The following DUSP16 variants were observed in gnomAD, a reference collection of about 807,000 sequenced individuals.
DUSP16 encodes dual specificity phosphatase 16.
A neutral mutation model predicts 58.3 loss-of-function variants in DUSP16; 21 were observed. The observed-to-expected ratio is 0.36, with a 90% CI of 0.26 to 0.52. The LOEUF is 0.52. Among genes scored for constraint, DUSP16 ranks in the 20% least tolerant of loss-of-function variants. DUSP16 has a pLI of 0.94. For synonymous variants in DUSP16, 320 were observed against 323.8 expected, an observed-to-expected ratio of 0.99 and a Z score of 0.12; for missense variants, 726 against 819.0, an observed-to-expected ratio of 0.89 and a Z score of 1.39.
intron 2 of DUSP16, 137 bp downstream of exon 2, chr12:12,520,734 C>T (rs2136232242): frequency 1.1e-6 from 1 of 899,978 alleles, no homozygotes; most frequent in East Asian, 2.6e-5. Context: ...TTTGAGGTAC[C>T]ACAAGGCACC....
Position 12,521,151 on chromosome 12 carries a change from G to GT in DUSP16, c.-54dup. ...TCCTTCTTTAATTTGCCACGATGAT[G>GT]TAATGGTGGTGTGCTCAAAGGCTCA... On this transcript the variant is annotated 5_prime_UTR_variant, in exon 2 of 7. Coordinates refer to ENST00000298573, the MANE Select transcript of DUSP16 (RefSeq NM_030640.3). 1 of 1,583,204 alleles carries GT rather than the reference G, an allele frequency of 6.3e-7. No individual in the cohort carries two copies. The highest frequency in any genetic ancestry group is 8.6e-7 in the Non-Finnish European group (1 of 1,164,580).
chr12:12,478,263 C>G (rs539578548), intron 6 of DUSP16, among the ~76,000 whole-genome samples: 11 of 152,002 alleles, frequency 7.2e-5, no homozygotes, highest in Admixed American at 2.6e-4. Context: ...TAGTTTTTGT[C>G]TCCTTATTTT....
intron 6 of DUSP16, among the ~76,000 whole-genome samples, chr12:12,478,293 A>G (rs1007888577): frequency 2.6e-5 from 4 of 151,512 alleles, no homozygotes; most frequent in Non-Finnish European, 4.4e-5. Context: ...AGGGCTCCCA[A>G]TGCAGCTGAT....
chr12:12,520,548 AAG>A (rs1421091149), intron 2 of DUSP16, among the ~76,000 whole-genome samples: 1 of 152,224 alleles, frequency 6.6e-6, no homozygotes, highest in Non-Finnish European at 1.5e-5. Context: ...TTTCTTTCCA[AAG>A]AACTTGAAAA....
chr12:12,560,836 T>C (rs1193242489), intron 1 of DUSP16: 1 of 152,012 alleles, frequency 6.6e-6, no homozygotes, highest in African/African-American at 2.4e-5. Flanking sequence ...CGGTTATCCT[T>C]TACGTGGACT....
chr12:12,500,993 T>C (rs1315523301), intron 3 of DUSP16, among the ~76,000 whole-genome samples: 2 of 152,206 alleles, frequency 1.3e-5, no homozygotes, highest in African/African-American at 4.8e-5. Context: ...ATGTTTTTTT[T>C]TGTAAAACAT....
At chr12:12,514,131 CATA>C (rs1944115520) in intron 3 of DUSP16, among the ~76,000 whole-genome samples, 5 of 152,076 alleles carry the variant, frequency 3.3e-5, no homozygotes, top group Admixed American at 3.3e-4. Flanking sequence ...ATACAATCCT[CATA>C]ATAAGGCAAG....
chr12:12,481,160 T>G (rs1322758030), intron 5 of DUSP16, among the ~76,000 whole-genome samples: 1 of 152,214 alleles, frequency 6.6e-6, no homozygotes, highest in Non-Finnish European at 1.5e-5. Flanking sequence ...TATCCCTTCC[T>G]TGATACCAGG....
intron 1 of DUSP16, among the ~76,000 whole-genome samples, chr12:12,539,282 A>G (rs1430900657): frequency 6.6e-6 from 1 of 152,228 alleles, no homozygotes; most frequent in East Asian, 1.9e-4. Flanking sequence ...CAGTTCTCCA[A>G]TGTCACAGCC....
rs1202215605 is a variant in DUSP16 at position 12,520,872 on chromosome 12, T to C, written c.227A>G (p.Lys76Arg). Residue 76 changes from lysine (K) to arginine (R), a missense_variant and splice_region_variant, in exon 2 of 7, where the codon AAG (lysine) becomes AGG (arginine). Coordinates refer to ENST00000298573, the MANE Select transcript of DUSP16 (RefSeq NM_030640.3). ...TELIQHSAKH[K>R]VDIDCSQKVV... ...AAAGGCAAAAAGGAAAGCGTTTACC[T>C]TATGTTTCGCTGAATGCTGGATGAG... 3.7e-6 allele frequency: 6 copies of C among 1,614,054 alleles called. No homozygotes were observed. The highest frequency in any genetic ancestry group is 5.1e-6 in the Non-Finnish European group (6 of 1,179,990).
chr12:12,518,193 G>A (rs1193869937), intron 3 of DUSP16, among the ~76,000 whole-genome samples: 2 of 152,174 alleles, frequency 1.3e-5, no homozygotes, highest in African/African-American at 2.4e-5. Flanking sequence ...ACTCTGTCAC[G>A]AAGCACATCT....
Position 12,521,045 on chromosome 12 carries a change from C to T in DUSP16, c.54G>A (p.Leu18=). The T allele has an allele frequency of 6.2e-7, 1 of 1,614,218 alleles. No homozygotes were observed. Among genetic ancestry groups the T allele is most frequent in the Non-Finnish European group, 8.5e-7 (1 of 1,180,036 alleles). The change falls in exon 2 of 7, where the codon CTG becomes CTA. Residue 18 remains leucine, a synonymous_variant. Coordinates refer to ENST00000298573, the MANE Select transcript of DUSP16 (RefSeq NM_030640.3). ...GCACTTTTTCCGTTCCACTTTCCAGCAGAGCCACCAACCTCTCAGTAACAA... is the reference window on the plus strand; with the variant it reads ...GCACTTTTTCCGTTCCACTTTCCAGTAGAGCCACCAACCTCTCAGTAACAA... ...TQIVTERLVA[L]LESGTEKVLL...
intron 3 of DUSP16, among the ~76,000 whole-genome samples, chr12:12,504,987 GATT>G (rs2136217321): frequency 6.6e-6 from 1 of 152,242 alleles, no homozygotes; most frequent in South Asian, 2.1e-4. Context: ...CCTTATAAAT[GATT>G]ATTTTTATAA....
intron 1 of DUSP16, chr12:12,560,819 G>T (rs1944887622): frequency 6.6e-6 from 1 of 152,092 alleles, no homozygotes; most frequent in Admixed American, 6.6e-5. Context: ...TAAATCCTTT[G>T]AGGAAACGGT....
Position 12,474,574 on chromosome 12 carries a change from G to A in DUSP16, c.*2259C>T, listed in dbSNP as rs973085694. On this transcript the variant is annotated 3_prime_UTR_variant, in exon 7 of 7. Transcript: ENST00000298573. ...AGCCTGCCTCCGAGGCCACCCCTTC[G>A]CCACGGCAGTCTCGATTCCAAGAAC... 2 of 152,228 alleles carry A rather than the reference G, an allele frequency of 1.3e-5. No individual in the cohort carries two copies. Among genetic ancestry groups the A allele is most frequent in the African/African-American group, 4.8e-5 (2 of 41,396 alleles). The allele number at this position is 152,228 out of a possible 1,614,324, so 9.4% of individuals were successfully genotyped here. A position where few individuals can be genotyped will look rare whatever the true frequency, so the allele number is the denominator to read the frequency against.
intron 1 of DUSP16, among the ~76,000 whole-genome samples, chr12:12,549,919 C>T (rs1944701457): frequency 6.6e-6 from 1 of 152,132 alleles, no homozygotes; most frequent in African/African-American, 2.4e-5. Flanking sequence ...GGCCACATGG[C>T]TCATCCTACA....
Position 12,477,946 on chromosome 12 carries a change from C to CCAG in DUSP16, c.884_885insCTG (p.Glu295delinsAspTrp). On this transcript the variant is annotated protein_altering_variant, in exon 7 of 7. Transcript: ENST00000298573. This position sits in a 1 kb window ranked among gnomAD's most constrained non-coding sequence, Gnocchi z 4.1. ...CTCCAGTCTGGTTCTTAATCTTCTT[C>CCAG]TCATAGTCCAGGAGTTGGCCCAGAA... 1 of 1,614,178 alleles carries CCAG rather than the reference C, an allele frequency of 6.2e-7. No homozygotes were observed. The highest frequency in any genetic ancestry group is 8.5e-7 in the Non-Finnish European group (1 of 1,180,026).
At chr12:12,560,418 A>G (rs928488656) in intron 1 of DUSP16, among the ~76,000 whole-genome samples, 23 of 152,142 alleles carry the variant, frequency 1.5e-4, no homozygotes, top group Non-Finnish European at 4.4e-5. Context: ...CTAAAATCCA[A>G]CTCTTGGGCT....
rs547082040 is a variant in DUSP16 at position 12,473,619 on chromosome 12, A to G, written c.*3214T>C. Among the ~76,000 whole-genome samples, 220 of 152,218 alleles carry G rather than the reference A, an allele frequency of 1.4e-3. No homozygotes were observed. Among genetic ancestry groups the G allele is most frequent in the African/African-American group, 4.9e-3 (202 of 41,528 alleles). ...TTTTCTTAAATGTAACTTCAACTCA[A>G]CCAACTTCAAGGTCACCTGTGATTC... On this transcript the variant is annotated 3_prime_UTR_variant, in exon 7 of 7. Transcript: ENST00000298573.
Sources: allele counts gnomAD v4.1 joint callset (sites outside exome capture counted in the v4.1 genomes callset), GRCh38; gene constraint gnomAD v4.1.1; non-coding constraint Gnocchi (gnomAD v3.1); transcripts MANE v1.5; gene names NCBI Gene and HGNC (gene_info 2026-07-23, HGNC 2026-07-21).